Variants in LDLRAD4 observed in about 807,000 individuals in gnomAD.
The protein encoded by LDLRAD4 is low-density lipoprotein receptor class A domain-containing protein 4.
A neutral mutation model predicts 17.0 loss-of-function variants in LDLRAD4; 5 were observed. The ratio of observed to expected loss-of-function variants is 0.29; its 90% CI spans 0.15 to 0.62. The LOEUF (loss-of-function observed/expected upper bound fraction) is 0.62, where lower values mean the gene tolerates loss of function less well. LDLRAD4 is among the 20% of genes least tolerant of loss of function. The probability of loss-of-function intolerance (pLI) is 0.84; values close to 1 mark genes in which losing one functional copy is unlikely to be tolerated. For synonymous variants in LDLRAD4, 168 were observed against 171.8 expected (o/e 0.98, Z 0.17); for missense variants, 340 against 424.7 (o/e 0.80, Z 1.75).
At chr18:13,464,733 T>TC (rs1168049023) in intron 3 of LDLRAD4, among the ~76,000 whole-genome samples, 1 of 151,828 alleles carries the variant, frequency 6.6e-6, no homozygotes, top group African/African-American at 2.4e-5. Context: ...TTTTTTTTTT[T>TC]TTCACATCGC....
At chr18:13,488,577 C>T (rs923278548) in intron 3 of LDLRAD4, 4 of 152,282 alleles carry the variant, frequency 2.6e-5, no homozygotes, top group Non-Finnish European at 5.9e-5. Context: ...CTGGGAGACA[C>T]TGACTTGTCG....
chr18:13,270,957 A>G (rs2044501299), intron 1 of LDLRAD4, among the ~76,000 whole-genome samples: 1 of 152,234 alleles, frequency 6.6e-6, no homozygotes, highest in Non-Finnish European at 1.5e-5. Context: ...ATATGCATAC[A>G]TGTGTACATA....
At chr18:13,453,668 T>C (rs1306374866) in intron 3 of LDLRAD4, among the ~76,000 whole-genome samples, 2 of 152,236 alleles carry the variant, frequency 1.3e-5, no homozygotes, top group African/African-American at 2.4e-5. Context: ...AGAGAGACGT[T>C]GATCAGGGCA....
intron 3 of LDLRAD4, among the ~76,000 whole-genome samples, chr18:13,586,536 C>T (rs1044930439): frequency 4.6e-5 from 7 of 151,796 alleles, no homozygotes; most frequent in African/African-American, 1.5e-4. Context: ...GTGAGAAGAG[C>T]CTAGGAGCCC....
At chr18:13,295,609 T>A (rs190940364) in intron 1 of LDLRAD4, among the ~76,000 whole-genome samples, 6 of 152,348 alleles carry the variant, frequency 3.9e-5, no homozygotes, top group African/African-American at 1.4e-4. Context: ...CCTTGAAATG[T>A]TAAGCATTGT....
chr18:13,434,506 C>T (rs1301926284), intron 2 of LDLRAD4, among the ~76,000 whole-genome samples: 1 of 152,146 alleles, frequency 6.6e-6, no homozygotes, highest in Non-Finnish European at 1.5e-5. Flanking sequence ...CATGATTTCC[C>T]TCAACTTCTA....
At chr18:13,498,711 C>A (rs2093537616) in intron 3 of LDLRAD4, among the ~76,000 whole-genome samples, 1 of 142,958 alleles carries the variant, frequency 7.0e-6, no homozygotes, top group African/African-American at 2.6e-5. Context: ...ATCCTTCTTG[C>A]CACACGTGTC....
chr18:13,310,058 A>G (rs1869497), intron 1 of LDLRAD4, among the ~76,000 whole-genome samples: 50,146 of 151,544 alleles, frequency 0.33, 8,472 homozygotes, highest in African/African-American at 0.4. Context: ...GAGACATTGA[A>G]CCTCGGCATG....
At chr18:13,311,737 G>A (rs2047245335) in intron 1 of LDLRAD4, among the ~76,000 whole-genome samples, 2 of 152,178 alleles carry the variant, frequency 1.3e-5, no homozygotes, top group Admixed American at 6.5e-5. Context: ...CATGCCGCCT[G>A]TGGCTCACCT....
intron 3 of LDLRAD4, among the ~76,000 whole-genome samples, chr18:13,480,075 G>T (rs529538843): frequency 6.6e-6 from 1 of 152,316 alleles, no homozygotes; most frequent in African/African-American, 2.4e-5. Flanking sequence ...TTACACAGAG[G>T]AATTGAAACA....
chr18:13,379,517 G>T (rs2145050940), intron 1 of LDLRAD4, among the ~76,000 whole-genome samples: 1 of 152,338 alleles, frequency 6.6e-6, no homozygotes, highest in East Asian at 1.9e-4. Context: ...GAGACACAAG[G>T]ATCTGGGCCC....
At chr18:13,636,290 C>T (rs780477149) in intron 4 of LDLRAD4, among the ~76,000 whole-genome samples, 18 of 151,952 alleles carry the variant, frequency 1.2e-4, no homozygotes, top group African/African-American at 3.4e-4. Context: ...TCGGCCCCTC[C>T]GTATGAGAGG....
intron 3 of LDLRAD4, among the ~76,000 whole-genome samples, chr18:13,587,821 C>T (rs1470017862): frequency 6.6e-6 from 1 of 152,154 alleles, no homozygotes; most frequent in African/African-American, 2.4e-5. Context: ...ATTTCCTTAG[C>T]TTTAGAATGT....
At chr18:13,323,275 A>G (rs1314732838) in intron 1 of LDLRAD4, among the ~76,000 whole-genome samples, 1 of 152,254 alleles carries the variant, frequency 6.6e-6, no homozygotes, top group African/African-American at 2.4e-5. Flanking sequence ...AGCTGGAGCT[A>G]TGGGCGCCGC....
intron 1 of LDLRAD4, among the ~76,000 whole-genome samples, chr18:13,380,763 T>G (rs547886222): frequency 6.6e-6 from 1 of 152,228 alleles, no homozygotes. Flanking sequence ...GTTTTGGGTT[T>G]TGTACTTGCT....
At chr18:13,525,912 A>T (rs2094024318) in intron 3 of LDLRAD4, among the ~76,000 whole-genome samples, 1 of 152,290 alleles carries the variant, frequency 6.6e-6, no homozygotes, top group South Asian at 2.1e-4. Flanking sequence ...TCTCCAAAGG[A>T]TATCTTGCGC....
chr18:13,474,714 C>G (rs1487205568), intron 3 of LDLRAD4, among the ~76,000 whole-genome samples: 1 of 152,188 alleles, frequency 6.6e-6, no homozygotes, highest in Non-Finnish European at 1.5e-5. Context: ...AGAGTTGATT[C>G]TACCCCACAC....
At chr18:13,432,091 G>A (rs2090379790) in intron 2 of LDLRAD4, among the ~76,000 whole-genome samples, 1 of 152,192 alleles carries the variant, frequency 6.6e-6, no homozygotes, top group Non-Finnish European at 1.5e-5. Flanking sequence ...CGCCGGTGCA[G>A]TCTCGCAGCC....
intron 3 of LDLRAD4, among the ~76,000 whole-genome samples, chr18:13,505,698 G>A (rs1171980568): frequency 6.6e-6 from 1 of 152,080 alleles, no homozygotes; most frequent in Non-Finnish European, 1.5e-5. Flanking sequence ...GGCACCTGTA[G>A]TCGCAGCTAC....
Sources: allele counts gnomAD v4.1 joint callset (sites outside exome capture counted in the v4.1 genomes callset), GRCh38; gene constraint gnomAD v4.1.1; transcripts MANE v1.5; gene names NCBI Gene and HGNC (gene_info 2026-07-23, HGNC 2026-07-21).